SLC12A6: variants seen among roughly 807,000 people sequenced by gnomAD.
SLC12A6 encodes the protein solute carrier family 12 member 6, also known as K-Cl cotransporter 3.
Under a neutral mutation model 135.3 loss-of-function variants are expected in SLC12A6, and 66 were observed. The ratio of observed to expected loss-of-function variants is 0.49; its 90% CI spans 0.40 to 0.60. The LOEUF (loss-of-function observed/expected upper bound fraction) is 0.60. SLC12A6 is among the 20% of genes least tolerant of loss of function. The pLI is 0.00. For synonymous variants in SLC12A6, 513 were observed against 508.8 expected (o/e 1.01, Z -0.11); for missense variants, 1,058 against 1,452.3 (o/e 0.73, Z 4.41).
chr15:34,257,567 CAA>C (rs1892837621), intron 6 of SLC12A6, 73 bp downstream of exon 6: 3 of 1,097,924 alleles, frequency 2.7e-6, no homozygotes, highest in Admixed American at 1.7e-5. Context: ...GTTTTATTCC[CAA>C]AGAGGTCATG....
Position 34,242,164 on chromosome 15 carries a change from C to G in SLC12A6, c.2100G>C (p.Trp700Cys). The change falls in exon 17 of 26, where the codon TGG (tryptophan) becomes TGC (cysteine). Residue 700 changes from tryptophan (W) to cysteine (C), a missense_variant. This residue lies in a region of SLC12A6 where 170 missense variants were observed against 297.6 expected (regional missense o/e 0.57). Transcript: ENST00000354181. ...ICLALMFISS[W>C]YYAIVAMVIA... ...TTACCATGGCTACAATGGCATAATA[C>G]CAGGAAGAAATGAACATCAGAGCCA... 6.3e-7 allele frequency: 1 copy of G among 1,590,558 alleles called. No homozygotes were observed. Among genetic ancestry groups the G allele is most frequent in the Non-Finnish European group, 8.6e-7 (1 of 1,158,864 alleles).
chr15:34,298,500 A>AAAT (rs1490497737), intron 2 of SLC12A6, among the ~76,000 whole-genome samples: 1 of 149,500 alleles, frequency 6.7e-6, no homozygotes, highest in African/African-American at 2.5e-5. Flanking sequence ...ATAAATAAAT[A>AAAT]AAATAAAAAT....
chr15:34,332,266 C>T (rs1889900683), intron 2 of SLC12A6, among the ~76,000 whole-genome samples: 1 of 152,210 alleles, frequency 6.6e-6, no homozygotes, highest in South Asian at 2.1e-4. Context: ...CACCCAACAT[C>T]TTTAACAGCC....
chr15:34,258,403 C>T (rs1202462782), intron 5 of SLC12A6, among the ~76,000 whole-genome samples: 1 of 152,192 alleles, frequency 6.6e-6, no homozygotes, highest in African/African-American at 2.4e-5. Flanking sequence ...CCTGAATGCT[C>T]TTTTCCCACA....
chr15:34,266,048 A>C (rs1193469396), intron 3 of SLC12A6, among the ~76,000 whole-genome samples: 1 of 150,252 alleles, frequency 6.7e-6, no homozygotes, highest in Non-Finnish European at 1.5e-5. Context: ...GATTATAAAG[A>C]AGCAGAAAAA....
At chr15:34,274,261 G>C (rs1409728997) in intron 3 of SLC12A6, among the ~76,000 whole-genome samples, 1 of 152,000 alleles carries the variant, frequency 6.6e-6, no homozygotes, top group Non-Finnish European at 1.5e-5. Context: ...CTGTATAATA[G>C]AACAGTCCAT....
In SLC12A6 at chr15:34,230,940, T is replaced by C. The variant is rs1335678971; in HGVS notation, c.*2941A>G. ...CACAAACAGCACTTCTAAAACTAAC[T>C]TTACTTTCTGCCCATAATTTGTTCT... On this transcript the variant is annotated 3_prime_UTR_variant, in exon 26 of 26. Coordinates refer to ENST00000354181, the MANE Select transcript of SLC12A6 (RefSeq NM_001365088.1). 6.6e-6 allele frequency: 1 copy of C among 152,256 alleles called. No homozygotes were observed. The highest frequency in any genetic ancestry group is 1.5e-5 in the Non-Finnish European group (1 of 68,040). 9.4% of individuals were successfully genotyped at this position (152,256 alleles called of 1,614,324 possible).
At chr15:34,246,040 C>A (rs1423364446) in intron 13 of SLC12A6, among the ~76,000 whole-genome samples, 173 bp from the exon 14 acceptor site, 2 of 152,104 alleles carry the variant, frequency 1.3e-5, no homozygotes, top group African/African-American at 4.8e-5. Context: ...TCAAGCAATT[C>A]TCTTGCCTCG....
At chr15:34,296,429 G>A (rs541606010) in intron 2 of SLC12A6, among the ~76,000 whole-genome samples, 8 of 152,288 alleles carry the variant, frequency 5.3e-5, no homozygotes, top group Admixed American at 5.2e-4. Context: ...AAGGCAAACT[G>A]AGTGTAAATT....
At chr15:34,298,550 C>A (rs1477558276) in intron 2 of SLC12A6, among the ~76,000 whole-genome samples, 3 of 151,746 alleles carry the variant, frequency 2.0e-5, no homozygotes, top group Non-Finnish European at 4.4e-5. Flanking sequence ...GATAACTGAG[C>A]TAAATCTTGA....
At chr15:34,326,692 C>CT (rs10550362) in intron 2 of SLC12A6, among the ~76,000 whole-genome samples, 4 of 135,302 alleles carry the variant, frequency 3.0e-5, no homozygotes, top group East Asian at 2.1e-4. Flanking sequence ...CATTTTATTA[C>CT]TTTTTTTTTT....
intron 2 of SLC12A6, among the ~76,000 whole-genome samples, chr15:34,330,441 G>A (rs1014573372): frequency 6.6e-6 from 1 of 152,190 alleles, no homozygotes; most frequent in Non-Finnish European, 1.5e-5. Context: ...GGGAGGCTGA[G>A]GTGGGCTAAC....
rs1046948996 is a variant in SLC12A6 at position 34,254,576 on chromosome 15, G to T, written c.890C>A (p.Pro297His). ...ATCACTGTGAAAGATGGCAGCTCGG[G>T]GGACGATATAGACCTGTTAGGTAAA... ...AIEIFLVYIV[P>H]RAAIFHSDDA... is the part of the protein sequence containing the mutation. The change falls in exon 9 of 26, where the codon CCC (proline) becomes CAC (histidine). Residue 297 changes from proline (P) to histidine (H), a missense_variant. This residue lies in a region of SLC12A6 where 297 missense variants were observed against 318.5 expected (regional missense o/e 0.93). Coordinates refer to ENST00000354181, the MANE Select transcript of SLC12A6 (RefSeq NM_001365088.1). 6.2e-6 allele frequency: 10 copies of T among 1,607,538 alleles called. No homozygotes were observed. Among genetic ancestry groups the T allele is most frequent in the Non-Finnish European group, 8.5e-6 (10 of 1,174,024 alleles).
At chr15:34,311,333 A>C (rs896357480) in intron 2 of SLC12A6, among the ~76,000 whole-genome samples, 10 of 152,180 alleles carry the variant, frequency 6.6e-5, no homozygotes, top group Non-Finnish European at 1.5e-4. Context: ...TTTTTAATAC[A>C]TATATTTTTA....
chr15:34,275,368 G>GT lies in SLC12A6; in HGVS notation c.292dup (p.Thr98AsnfsTer13), dbSNP rs1566831697. 6.5e-7 allele frequency: 1 copy of GT among 1,547,304 alleles called. No homozygotes were observed. The highest frequency in any genetic ancestry group is 1.1e-5 in the South Asian group (1 of 89,532). On this transcript the variant is annotated frameshift_variant, in exon 3 of 26. Coordinates refer to ENST00000354181, the MANE Select transcript of SLC12A6 (RefSeq NM_001365088.1). LOFTEE classifies it high-confidence loss of function. ...ACCTAACAGTTGGCTGTGTTCCCCT[G>GT]TGATGGAGTTCTGACTCAGGTCTGA...
intron 4 of SLC12A6, among the ~76,000 whole-genome samples, chr15:34,260,100 A>T (rs539446824): frequency 6.6e-6 from 1 of 152,380 alleles, no homozygotes; most frequent in Admixed American, 6.5e-5. Context: ...CATGAAAATG[A>T]TAAGTATACG....
At chr15:34,309,224 T>C (rs775238388) in intron 2 of SLC12A6, among the ~76,000 whole-genome samples, 1 of 152,192 alleles carries the variant, frequency 6.6e-6, no homozygotes, top group Non-Finnish European at 1.5e-5. Flanking sequence ...AAATTCTCGA[T>C]TCTTTAAATT....
At chr15:34,332,639 CG>C (rs1371959759) in intron 2 of SLC12A6, among the ~76,000 whole-genome samples, 3 of 151,966 alleles carry the variant, frequency 2.0e-5, no homozygotes, top group Non-Finnish European at 4.4e-5. Context: ...AAAATTTAGC[CG>C]GGTGTGGTTG....
chr15:34,254,765 ATTT>A (rs11345194), intron 8 of SLC12A6, among the ~76,000 whole-genome samples, 176 bp from the exon 9 acceptor site: 24 of 142,000 alleles, frequency 1.7e-4, no homozygotes, highest in Admixed American at 2.8e-4. Context: ...GATGTCATGG[ATTT>A]TTTTTTTTTT....
Sources: allele counts gnomAD v4.1 joint callset (sites outside exome capture counted in the v4.1 genomes callset), GRCh38; gene constraint gnomAD v4.1.1; regional missense constraint gnomAD v4.1.1; transcripts MANE v1.5; gene names NCBI Gene and HGNC (gene_info 2026-07-23, HGNC 2026-07-21).